ELMO1: variants seen among roughly 807,000 people sequenced by gnomAD.
The protein encoded by ELMO1 is engulfment and cell motility 1.
A neutral mutation model predicts 98.9 loss-of-function variants in ELMO1; 26 were observed. The observed-to-expected ratio is 0.26, with a 90% CI of 0.19 to 0.36. The LOEUF (loss-of-function observed/expected upper bound fraction) is 0.36, where lower values mean the gene tolerates loss of function less well. ELMO1 is among the 10% of genes least tolerant of loss of function. The pLI, the probability that ELMO1 is intolerant of heterozygous loss-of-function variation, is 1.00. For missense variants in ELMO1, 627 were observed against 935.2 expected (o/e 0.67, Z 4.30); for synonymous variants, 346 against 346.0 (o/e 1.00, Z 0.00).
intron 15 of ELMO1, among the ~76,000 whole-genome samples, chr7:37,016,420 T>G (rs889983948): frequency 6.6e-6 from 1 of 152,172 alleles, no homozygotes; most frequent in African/African-American, 2.4e-5. Context: ...CTTTTTTTAG[T>G]TGGCCCCAAA....
intron 7 of ELMO1, 75 bp downstream of exon 7, chr7:37,244,281 C>T (rs1652339545): frequency 1.4e-6 from 2 of 1,469,004 alleles, no homozygotes; most frequent in East Asian, 4.6e-5. Flanking sequence ...TACAATCAGT[C>T]AGATGACAGG....
chr7:37,365,787 C>T (rs1286630042), intron 1 of ELMO1, among the ~76,000 whole-genome samples: 5 of 152,298 alleles, frequency 3.3e-5, no homozygotes, highest in Admixed American at 6.5e-5. Context: ...TTTACTTTTT[C>T]GAGGCAGAGA....
chr7:37,294,689 A>C (rs1049666901), intron 4 of ELMO1, among the ~76,000 whole-genome samples: 1 of 152,216 alleles, frequency 6.6e-6, no homozygotes, highest in East Asian at 1.9e-4. Context: ...TGTTTTATTT[A>C]TGTCATGGGA....
intron 15 of ELMO1, among the ~76,000 whole-genome samples, chr7:37,059,297 A>G (rs1341463383): frequency 6.6e-6 from 1 of 152,230 alleles, no homozygotes; most frequent in East Asian, 1.9e-4. Flanking sequence ...GTGCTTGTCA[A>G]GAGTGGAAGA....
At chr7:37,447,597 G>A (rs1382665110) in intron 1 of ELMO1, among the ~76,000 whole-genome samples, 2 of 150,932 alleles carry the variant, frequency 1.3e-5, no homozygotes, top group African/African-American at 2.4e-5. Flanking sequence ...CTGGCTGTGC[G>A]GTCACACACA....
At chr7:37,292,738 G>A (rs1199766852) in intron 4 of ELMO1, among the ~76,000 whole-genome samples, 1 of 11,658 alleles carries the variant, frequency 8.6e-5, no homozygotes, top group African/African-American at 8.6e-4. Context: ...GAGGGAGGTG[G>A]GGGGGTCAGC....
chr7:37,215,201 C>A (rs534751513), intron 11 of ELMO1, among the ~76,000 whole-genome samples: 16 of 152,332 alleles, frequency 1.1e-4, no homozygotes, highest in African/African-American at 3.8e-4. Flanking sequence ...TACACTCATA[C>A]ATTTCTTGTC....
intron 1 of ELMO1, among the ~76,000 whole-genome samples, chr7:37,370,650 CCT>C: frequency 6.6e-6 from 1 of 152,062 alleles, no homozygotes; most frequent in African/African-American, 2.4e-5. Context: ...GGTCAATAAA[CCT>C]ATAAAAAGAA....
chr7:37,197,611 C>CT (rs1258196966), intron 13 of ELMO1, among the ~76,000 whole-genome samples: 1 of 152,190 alleles, frequency 6.6e-6, no homozygotes, highest in Non-Finnish European at 1.5e-5. Context: ...GGCATGCTAG[C>CT]TTTGCGTGGA....
chr7:37,291,579 C>A (rs940614547), intron 4 of ELMO1, among the ~76,000 whole-genome samples: 2 of 152,142 alleles, frequency 1.3e-5, no homozygotes, highest in Admixed American at 1.3e-4. Flanking sequence ...ATAATAAACA[C>A]AGAAAAATAT....
chr7:37,330,836 A>G (rs1800064694), intron 2 of ELMO1, among the ~76,000 whole-genome samples: 1 of 152,182 alleles, frequency 6.6e-6, no homozygotes, highest in African/African-American at 2.4e-5. Flanking sequence ...CTGAAATGCC[A>G]GCATCACTAG....
At chr7:37,193,999 T>C (rs545998304) in intron 13 of ELMO1, among the ~76,000 whole-genome samples, 2 of 152,270 alleles carry the variant, frequency 1.3e-5, no homozygotes, top group African/African-American at 4.8e-5. Flanking sequence ...CAGAATGCTC[T>C]GGAAAGCCCT....
intron 4 of ELMO1, among the ~76,000 whole-genome samples, chr7:37,285,694 G>T (rs2130924261): frequency 6.6e-6 from 1 of 152,292 alleles, no homozygotes; most frequent in African/African-American, 2.4e-5. Context: ...GAAAAAAGCA[G>T]GAAAAATGCC....
chr7:36,973,840 G>C (rs562705548), intron 16 of ELMO1, among the ~76,000 whole-genome samples: 1 of 152,376 alleles, frequency 6.6e-6, no homozygotes, highest in Non-Finnish European at 1.5e-5. Flanking sequence ...ACTCGGAGCA[G>C]CCGGCCCTGC....
intron 15 of ELMO1, among the ~76,000 whole-genome samples, chr7:37,091,196 C>T (rs908567764): frequency 7.9e-5 from 12 of 152,150 alleles, no homozygotes; most frequent in African/African-American, 2.4e-5. Flanking sequence ...CAACCTCTGC[C>T]TCCTGGGTTC....
chr7:37,411,331 G>A (rs897719560), intron 1 of ELMO1, among the ~76,000 whole-genome samples: 10 of 152,106 alleles, frequency 6.6e-5, no homozygotes, highest in South Asian at 4.1e-4. Flanking sequence ...ATTTTAAAAC[G>A]AAATCACTGT....
chr7:36,885,319 AAACAAC>A (rs143571798), intron 18 of ELMO1, among the ~76,000 whole-genome samples: 85,513 of 150,182 alleles, frequency 0.57, 25,855 homozygotes, highest in Non-Finnish European at 0.66. Context: ...AACATTTTTT[AAACAAC>A]AACAACAACA....
chr7:37,056,549 T>G (rs1796400171), intron 15 of ELMO1, among the ~76,000 whole-genome samples: 1 of 152,182 alleles, frequency 6.6e-6, no homozygotes, highest in African/African-American at 2.4e-5. Context: ...AAGGATGACA[T>G]GGAAAATTAA....
chr7:36,919,509 A>C, intron 16 of ELMO1: 1 of 429,758 alleles, frequency 2.3e-6, no homozygotes, highest in Non-Finnish European at 5.1e-6. Flanking sequence ...CTTATGGGCT[A>C]AGTCTCTTCA....
Sources: gnomAD v4.1 joint callset for allele counts (sites outside exome capture counted in the v4.1 genomes callset) on GRCh38, gnomAD v4.1.1 for gene constraint, MANE v1.5 for transcripts, NCBI Gene and HGNC (gene_info 2026-07-23, HGNC 2026-07-21) for gene names.